The following SUGCT variants were observed in gnomAD, a reference collection of about 807,000 sequenced individuals.
SUGCT encodes the protein succinyl-CoA:glutarate CoA-transferase.
SUGCT carries 41 observed loss-of-function variants against 55.0 expected under a neutral mutation model. That is an observed-to-expected ratio of 0.74 (90% confidence interval 0.58 to 0.97). The LOEUF is 0.97. SUGCT is among the 50% of genes least tolerant of loss of function. The pLI, the probability that SUGCT is intolerant of heterozygous loss-of-function variation, is 0.00. For missense variants in SUGCT, 568 were observed against 547.8 expected (o/e 1.04, Z -0.37); for synonymous variants, 187 against 200.4 (o/e 0.93, Z 0.56).
chr7:40,981,694 T>G, the SUGCT span, among the ~76,000 whole-genome samples: 1 of 152,224 alleles, frequency 6.6e-6, no homozygotes, highest in Admixed American at 6.5e-5. Flanking sequence ...ATATCCAATT[T>G]CATGGCTCAC....
At chr7:40,270,115 G>GA (rs1449237976) in intron 7 of SUGCT, among the ~76,000 whole-genome samples, 1 of 142,130 alleles carries the variant, frequency 7.0e-6, no homozygotes, top group African/African-American at 2.6e-5. Context: ...CAGCCTGGGT[G>GA]ATGGAGCAAG....
intron 9 of SUGCT, among the ~76,000 whole-genome samples, chr7:40,363,470 A>G (rs1056274182): frequency 2.1e-4 from 32 of 152,046 alleles, no homozygotes; most frequent in Non-Finnish European, 4.4e-4. Flanking sequence ...ATTTCCCTCT[A>G]CACACTGCTT....
At chr7:40,769,561 A>G (rs184617000) in intron 13 of SUGCT, among the ~76,000 whole-genome samples, 1 of 152,330 alleles carries the variant, frequency 6.6e-6, no homozygotes, top group East Asian at 1.9e-4. Context: ...AGCTTTGAAG[A>G]TGGAGAAAGG....
chr7:40,169,850 A>C (rs1490830042), intron 1 of SUGCT, among the ~76,000 whole-genome samples: 7 of 152,012 alleles, frequency 4.6e-5, no homozygotes, highest in Non-Finnish European at 8.8e-5. Context: ...TCCGGGCCTA[A>C]CGTGGACTTC....
chr7:40,575,335 AAACAACAAC>A (rs573461460), intron 12 of SUGCT, among the ~76,000 whole-genome samples: 1 of 152,144 alleles, frequency 6.6e-6, no homozygotes, highest in Non-Finnish European at 1.5e-5. Flanking sequence ...GTTATTTAAA[AAACAACAAC>A]AACAACAACA....
At chr7:40,432,262 AT>A (rs1369349543) in intron 9 of SUGCT, among the ~76,000 whole-genome samples, 1 of 151,986 alleles carries the variant, frequency 6.6e-6, no homozygotes, top group Non-Finnish European at 1.5e-5. Context: ...CTTGGTTAGA[AT>A]TTTTCTTTCA....
intron 13 of SUGCT, among the ~76,000 whole-genome samples, chr7:40,817,344 C>A (rs1273580139): frequency 6.6e-6 from 1 of 152,066 alleles, no homozygotes; most frequent in African/African-American, 2.4e-5. Context: ...GAACACAGAG[C>A]AGGAACACCC....
At chr7:40,768,139 A>G (rs1378763591) in intron 13 of SUGCT, among the ~76,000 whole-genome samples, 2 of 152,172 alleles carry the variant, frequency 1.3e-5, no homozygotes, top group Non-Finnish European at 2.9e-5. Context: ...ACCAAGCAGC[A>G]TATTATCCAG....
At chr7:40,696,418 G>A (rs1397965227) in intron 12 of SUGCT, among the ~76,000 whole-genome samples, 1 of 152,002 alleles carries the variant, frequency 6.6e-6, no homozygotes, top group Non-Finnish European at 1.5e-5. Context: ...TTATGTTTGG[G>A]GTGAGTAGAC....
intron 9 of SUGCT, among the ~76,000 whole-genome samples, chr7:40,411,778 TG>T (rs1483830409): frequency 1.3e-4 from 20 of 152,232 alleles, no homozygotes; most frequent in African/African-American, 4.6e-4. Flanking sequence ...TTAATTTGAA[TG>T]ATCCTACCAT....
At chr7:40,517,165 A>G (rs1354314973) in intron 12 of SUGCT, among the ~76,000 whole-genome samples, 1 of 149,908 alleles carries the variant, frequency 6.7e-6, no homozygotes, top group Non-Finnish European at 1.5e-5. Context: ...AATTAAATTA[A>G]TTTTGTAGGT....
the SUGCT span, among the ~76,000 whole-genome samples, chr7:40,952,792 C>G: frequency 6.6e-6 from 1 of 152,238 alleles, no homozygotes; most frequent in East Asian, 1.9e-4. Flanking sequence ...CCACTCTCTT[C>G]TGGCTTGTAG....
At chr7:41,031,670 GA>G in the SUGCT span, among the ~76,000 whole-genome samples, 2 of 152,072 alleles carry the variant, frequency 1.3e-5, no homozygotes, top group Non-Finnish European at 2.9e-5. Flanking sequence ...AAAATTTCCA[GA>G]AGGCCAACAT....
rs566000441 is a variant in SUGCT, at chr7:40,292,736, A to G, written c.720+18080A>G. ...GTAGTTTCTGGTGCGGTATAGTCAG[A>G]TATGTTTTGTCAGGTTTAATAATGC... On this transcript the variant is annotated intron_variant, in intron 8 of 13. Transcript: ENST00000335693. 1.4e-4 allele frequency among the ~76,000 whole-genome samples: 21 copies of G among 152,284 alleles called. No homozygotes were observed. The South Asian group carries it at 4.4e-3, about 32-fold the overall frequency.
chr7:40,546,412 A>G (rs1794993990), intron 12 of SUGCT, among the ~76,000 whole-genome samples: 1 of 152,194 alleles, frequency 6.6e-6, no homozygotes, highest in Non-Finnish European at 1.5e-5. Context: ...ATGTTTGCAA[A>G]GTTAATAAAG....
At chr7:40,335,052 C>T (rs1436278480) in intron 9 of SUGCT, among the ~76,000 whole-genome samples, 2 of 152,156 alleles carry the variant, frequency 1.3e-5, no homozygotes, top group African/African-American at 2.4e-5. Flanking sequence ...TGTCAAAGAT[C>T]AGATGGTTGT....
rs900231935 is a variant in SUGCT at position 40,642,123 on chromosome 7, A to G, written c.1090-107311A>G. Among the ~76,000 whole-genome samples, 6 of 152,362 alleles carry G rather than the reference A, an allele frequency of 3.9e-5. No homozygotes were observed. The South Asian group carries it at 6.2e-4, about 16-fold the overall frequency. On this transcript the variant is annotated intron_variant, in intron 12 of 13. Transcript: ENST00000335693. ...GTAATAGTGATATTCTGGCTTGCCA[A>G]CGTCTGATGATCTGAATTCCCCTGA...
the SUGCT span, among the ~76,000 whole-genome samples, chr7:40,993,030 C>T: frequency 7.2e-5 from 11 of 152,090 alleles, no homozygotes; most frequent in Non-Finnish European, 1.6e-4. Context: ...GTTTCTCAAC[C>T]TTGGATATGT....
At chr7:40,614,352 C>T (rs1045958836) in intron 12 of SUGCT, among the ~76,000 whole-genome samples, 5 of 152,214 alleles carry the variant, frequency 3.3e-5, no homozygotes, top group Non-Finnish European at 7.3e-5. Flanking sequence ...ACCACCAGCA[C>T]ATACAATGTA....
Sources: allele counts gnomAD v4.1 joint callset (sites outside exome capture counted in the v4.1 genomes callset), GRCh38; gene constraint gnomAD v4.1.1; transcripts MANE v1.5; gene names NCBI Gene and HGNC (gene_info 2026-07-23, HGNC 2026-07-21).